VSNL1: variants seen among roughly 807,000 people sequenced by gnomAD.
VSNL1 encodes the protein visinin-like protein 1.
Under a neutral mutation model 20.4 loss-of-function variants are expected in VSNL1, and 6 were observed. The observed-to-expected ratio is 0.29, with a 90% CI of 0.16 to 0.58. VSNL1 has a LOEUF of 0.58. Ranked by LOEUF, VSNL1 falls within the 20% of genes least tolerant of loss-of-function variation. The probability of loss-of-function intolerance (pLI) is 0.90; values close to 1 mark genes in which losing one functional copy is unlikely to be tolerated. For synonymous variants in VSNL1, 93 were observed against 86.4 expected, an observed-to-expected ratio of 1.08 and a Z score of -0.42; for missense variants, 100 against 234.5, an observed-to-expected ratio of 0.43 and a Z score of 3.75.
intron 1 of VSNL1, among the ~76,000 whole-genome samples, chr2:17,577,722 C>T (rs1415876420): frequency 2.0e-5 from 3 of 152,084 alleles, no homozygotes; most frequent in Non-Finnish European, 4.4e-5. Flanking sequence ...CTCAGGGGAC[C>T]CCAGAGTTCC....
intron 1 of VSNL1, among the ~76,000 whole-genome samples, chr2:17,570,179 T>C (rs1464545158): frequency 1.3e-5 from 2 of 152,210 alleles, no homozygotes; most frequent in Non-Finnish European, 2.9e-5. Flanking sequence ...GATGTGTTTT[T>C]TAAGGGGGAC....
intron 2 of VSNL1, among the ~76,000 whole-genome samples, chr2:17,609,871 AC>A (rs1271974226): frequency 1.3e-5 from 2 of 151,188 alleles, no homozygotes; most frequent in African/African-American, 2.4e-5. Flanking sequence ...AGCTTACACA[AC>A]CCCCCACTGC....
chr2:17,635,038 G>A (rs1202506640), intron 2 of VSNL1, among the ~76,000 whole-genome samples: 2 of 152,178 alleles, frequency 1.3e-5, no homozygotes, highest in African/African-American at 4.8e-5. Context: ...GTCACCATGA[G>A]GTTTTCCTTC....
intron 2 of VSNL1, among the ~76,000 whole-genome samples, chr2:17,595,715 G>C (rs1205536783): frequency 7.2e-6 from 1 of 139,602 alleles, no homozygotes; most frequent in South Asian, 2.6e-4. Flanking sequence ...CTAATCCAGT[G>C]TGACGTGTCT....
intron 2 of VSNL1, among the ~76,000 whole-genome samples, chr2:17,638,341 AG>A (rs772012677): frequency 3.9e-5 from 6 of 152,232 alleles, no homozygotes; most frequent in Non-Finnish European, 8.8e-5. Flanking sequence ...CCTGACACAT[AG>A]TAAGTGTTAC....
At chr2:17,630,390 C>A (rs1009823482) in intron 2 of VSNL1, among the ~76,000 whole-genome samples, 1 of 152,312 alleles carries the variant, frequency 6.6e-6, no homozygotes, top group Middle Eastern at 3.4e-3. Context: ...ACTGCAGAAG[C>A]CTCATCAGTT....
chr2:17,647,177 G>A (rs112266660), intron 2 of VSNL1, among the ~76,000 whole-genome samples: 6,155 of 152,134 alleles, frequency 0.04, 163 homozygotes, highest in Middle Eastern at 0.078. Context: ...ACTGACCCAA[G>A]GTGCCCAGTT....
chr2:17,560,023 C>T (rs1275230693), intron 1 of VSNL1, among the ~76,000 whole-genome samples: 1 of 151,530 alleles, frequency 6.6e-6, no homozygotes, highest in Non-Finnish European at 1.5e-5. Context: ...TTTCTTTTAG[C>T]TTATCAAAAA....
intron 1 of VSNL1, among the ~76,000 whole-genome samples, chr2:17,563,096 A>C (rs1415692226): frequency 6.6e-6 from 1 of 152,236 alleles, no homozygotes; most frequent in Non-Finnish European, 1.5e-5. Flanking sequence ...GATAGGACAT[A>C]TTAATAACCA....
rs55756596 is a variant in VSNL1 at position 17,592,640 on chromosome 2, C to CTTTTTTTTTTTT, written c.162+432_162+443dup. Among the ~76,000 whole-genome samples, 30 of 70,850 alleles carry CTTTTTTTTTTTT rather than the reference C, an allele frequency of 4.2e-4. 3 individuals are homozygous for CTTTTTTTTTTTT. The highest frequency in any genetic ancestry group is 1.5e-3 in the African/African-American group (30 of 20,344). 46.5% of individuals were successfully genotyped at this position (70,850 alleles called of 152,430 possible). A position where few individuals can be genotyped will look rare whatever the true frequency, so the allele number is the denominator to read the frequency against. ...AAGAGGGCTTTTTCTCTCTCTCTCT[C>CTTTTTTTTTTTT]TTTTTTTTTTTTTTTTTTTTTTTTT... is the stretch of plus-strand genomic sequence containing the variant. On this transcript the variant is annotated intron_variant, in intron 2 of 3. Coordinates refer to ENST00000295156, the MANE Select transcript of VSNL1 (RefSeq NM_003385.5).
rs1280330621 is a variant in VSNL1 at position 17,655,189 on chromosome 2, T to G, written c.379-8T>G. ...GGTAATATCACCTACAATGCTTTTT[T>G]CCCCAAGGCTATCTACAAAATGGTA... is the stretch of plus-strand genomic sequence containing the variant. On this transcript the variant is annotated splice_region_variant and splice_polypyrimidine_tract_variant and intron_variant, in intron 3 of 3. Coordinates refer to ENST00000295156, the MANE Select transcript of VSNL1 (RefSeq NM_003385.5). This position sits in a 1 kb window ranked among gnomAD's most constrained non-coding sequence, Gnocchi z 5.2. 1 of 1,613,070 alleles carries G rather than the reference T, an allele frequency of 6.2e-7. No homozygotes were observed. The highest frequency in any genetic ancestry group is 2.2e-5 in the East Asian group (1 of 44,884).
rs2103430399 is a variant in VSNL1, at chr2:17,649,639, T to C, written c.378+14T>C. On this transcript the variant is annotated intron_variant, in intron 3 of 3. Coordinates refer to ENST00000295156, the MANE Select transcript of VSNL1 (RefSeq NM_003385.5). This position sits in a 1 kb window ranked among gnomAD's most constrained non-coding sequence, Gnocchi z 6.4. ...GAGATCATCGAGGTGAGGCCCGGGG[T>C]GTGGTTGGCGGGTGGTGGGCACAGA... 1 of 1,613,300 alleles carries C rather than the reference T, an allele frequency of 6.2e-7. No individual in the cohort carries two copies. Among genetic ancestry groups the C allele is most frequent in the South Asian group, 1.1e-5 (1 of 91,022 alleles).
At chr2:17,597,478 A>C (rs1168872959) in intron 2 of VSNL1, among the ~76,000 whole-genome samples, 2 of 152,164 alleles carry the variant, frequency 1.3e-5, no homozygotes, top group Non-Finnish European at 2.9e-5. Context: ...CATTGCTCCA[A>C]ATTTTCTTCT....
intron 2 of VSNL1, among the ~76,000 whole-genome samples, chr2:17,605,305 A>C (rs1664918877): frequency 1.3e-5 from 2 of 152,194 alleles, no homozygotes; most frequent in South Asian, 4.1e-4. Flanking sequence ...CCTTGGTGGT[A>C]TGGAAACTGT....
At chr2:17,627,449 T>C (rs1665538327) in intron 2 of VSNL1, among the ~76,000 whole-genome samples, 1 of 152,018 alleles carries the variant, frequency 6.6e-6, no homozygotes. Flanking sequence ...CACACAGAGG[T>C]GTCTATGCAG....
intron 1 of VSNL1, among the ~76,000 whole-genome samples, chr2:17,562,315 T>C (rs1663835181): frequency 6.6e-6 from 1 of 152,236 alleles, no homozygotes; most frequent in African/African-American, 2.4e-5. Flanking sequence ...AGCTTAGTGT[T>C]CATTTGCATT....
chr2:17,592,295 A>C (rs1326137251), intron 2 of VSNL1, 59 bp downstream of exon 2: 1 of 1,546,168 alleles, frequency 6.5e-7, no homozygotes, highest in East Asian at 2.3e-5. Context: ...GCCTTCATGA[A>C]ATTGTACCCT....
chr2:17,606,332 G>A (rs1664943770), intron 2 of VSNL1, among the ~76,000 whole-genome samples: 1 of 152,216 alleles, frequency 6.6e-6, no homozygotes, highest in Non-Finnish European at 1.5e-5. Context: ...AGACAGAAAT[G>A]AGTCCAAGTC....
chr2:17,635,616 GAA>G (rs1665732245), intron 2 of VSNL1, among the ~76,000 whole-genome samples: 1 of 152,188 alleles, frequency 6.6e-6, no homozygotes, highest in Admixed American at 6.5e-5. Flanking sequence ...GTGATCTTGA[GAA>G]AGTTATTTTG....
Sources: gnomAD v4.1 joint callset for allele counts (sites outside exome capture counted in the v4.1 genomes callset) on GRCh38, gnomAD v4.1.1 for gene constraint, Gnocchi (gnomAD v3.1) non-coding constraint, MANE v1.5 for transcripts, NCBI Gene and HGNC (gene_info 2026-07-23, HGNC 2026-07-21) for gene names.